GRIA3: variants seen among roughly 807,000 people sequenced by gnomAD.
GRIA3 encodes the protein glutamate ionotropic receptor AMPA type subunit 3.
GRIA3 carries 3 observed loss-of-function variants against 63.0 expected under a neutral mutation model. The observed-to-expected ratio is 0.05, with a 90% CI of 0.02 to 0.12. The LOEUF is 0.12. Ranked by LOEUF, GRIA3 falls within the 10% of genes least tolerant of loss-of-function variation. The pLI, the probability that GRIA3 is intolerant of heterozygous loss-of-function variation, is 1.00. For synonymous variants in GRIA3, 274 were observed against 257.9 expected (o/e 1.06, Z -0.60); for missense variants, 347 against 700.9 (o/e 0.50, Z 5.70).
intron 7 of GRIA3, among the ~76,000 whole-genome samples, chrX:123,400,413 C>T (rs1211363783): frequency 9.0e-6 from 1 of 111,426 alleles, no homozygotes; most frequent in Admixed American, 9.6e-5. Context: ...CTATTTTTTC[C>T]AAAAGTAGAC....
intron 3 of GRIA3, among the ~76,000 whole-genome samples, chrX:123,316,615 A>T (rs986290875): frequency 8.9e-6 from 1 of 112,711 alleles, no homozygotes; most frequent in Admixed American, 9.4e-5. Context: ...GAGAGATTGG[A>T]AAACACTGAA....
intron 3 of GRIA3, among the ~76,000 whole-genome samples, chrX:123,278,968 T>C (rs897323013): frequency 3.6e-5 from 4 of 111,953 alleles, no homozygotes; most frequent in African/African-American, 1.3e-4. Context: ...AGAATATTAT[T>C]AGTATTTCAA....
rs181786081 is a variant in GRIA3 at position 123,403,630 on chromosome X, C to T, written c.1293+111C>T. The T allele has an allele frequency of 3.3e-5, 19 of 577,131 alleles. No individual in the cohort carries two copies. The East Asian group carries it at 5.7e-4, about 17-fold the overall frequency. The allele number at this position is 577,131 out of a possible 1,213,427, so 47.6% of individuals were successfully genotyped here. ...CTCAAGTTCAAACAGTAAAAACTTC[C>T]AACAGGGAAGCTCAGGAAACTCTCA... is the stretch of plus-strand genomic sequence containing the variant. On this transcript the variant is annotated intron_variant, in intron 9 of 15. Transcript: ENST00000620443.
chrX:123,431,398 GT>G (rs1454267686), intron 12 of GRIA3, among the ~76,000 whole-genome samples: 3 of 108,467 alleles, frequency 2.8e-5, no homozygotes, highest in African/African-American at 7.3e-5. Flanking sequence ...CCCATGATCA[GT>G]GGAACAGAGG....
chrX:123,296,126 G>A (rs1324901497), intron 3 of GRIA3, among the ~76,000 whole-genome samples: 1 of 111,140 alleles, frequency 9.0e-6, no homozygotes, highest in African/African-American at 3.3e-5. Context: ...ATTATCCTCA[G>A]ATAATGTCTT....
intron 12 of GRIA3, among the ~76,000 whole-genome samples, chrX:123,450,657 A>T (rs2045725367): frequency 8.8e-6 from 1 of 113,052 alleles, no homozygotes; most frequent in Non-Finnish European, 1.9e-5. Flanking sequence ...CATTGTTGTA[A>T]GGGCTCAAAA....
chrX:123,202,732 T>C, intron 2 of GRIA3: 1 of 1,166,474 alleles, frequency 8.6e-7, no homozygotes, highest in Non-Finnish European at 1.1e-6. Flanking sequence ...CTGCTGCACC[T>C]AAAATGTTCA....
intron 3 of GRIA3, among the ~76,000 whole-genome samples, chrX:123,278,493 T>G (rs1334615509): frequency 1.8e-5 from 2 of 112,349 alleles, no homozygotes; most frequent in Admixed American, 1.9e-4. Flanking sequence ...CATAAAATCT[T>G]TGCCTACACC....
At chrX:123,193,199 G>A (rs960057540) in intron 2 of GRIA3, among the ~76,000 whole-genome samples, 1 of 108,449 alleles carries the variant, frequency 9.2e-6, no homozygotes, top group Non-Finnish European at 1.9e-5. Context: ...TTGTAGGGAT[G>A]TGGAGTGGGG....
intron 2 of GRIA3, among the ~76,000 whole-genome samples, chrX:123,200,604 T>C (rs5911545): frequency 1.5e-4 from 10 of 68,317 alleles, no homozygotes; most frequent in Admixed American, 3.4e-4. Context: ...CACACACACA[T>C]ACATACACAC....
chrX:123,300,622 TTTTGTTTG>T (rs57768786), intron 3 of GRIA3, among the ~76,000 whole-genome samples: 14 of 106,657 alleles, frequency 1.3e-4, no homozygotes, highest in South Asian at 8.3e-4. Context: ...TTTAATGGTT[TTTTGTTTG>T]TTTGTTTGTT....
intron 5 of GRIA3, among the ~76,000 whole-genome samples, chrX:123,367,745 GTTGT>G (rs776113997): frequency 2.7e-5 from 3 of 111,335 alleles, no homozygotes; most frequent in South Asian, 3.7e-4. Flanking sequence ...CCTTCTGGAT[GTTGT>G]TTGTTTGTTT....
At chrX:123,257,140 A>T (rs758650874) in intron 3 of GRIA3, among the ~76,000 whole-genome samples, 20 of 111,398 alleles carry the variant, frequency 1.8e-4, no homozygotes, top group Non-Finnish European at 3.4e-4. Flanking sequence ...CATTGAATAT[A>T]ACTGCCTTCT....
chrX:123,224,599 A>G (rs2044235785), intron 2 of GRIA3, among the ~76,000 whole-genome samples: 1 of 111,247 alleles, frequency 9.0e-6, no homozygotes. Context: ...TTCTACTTAT[A>G]AAATAAATCT....
intron 12 of GRIA3, among the ~76,000 whole-genome samples, chrX:123,460,696 T>C (rs2045787495): frequency 8.9e-6 from 1 of 111,897 alleles, no homozygotes; most frequent in Non-Finnish European, 1.9e-5. Context: ...TTGTTAAGCT[T>C]TATGGCAGGT....
chrX:123,296,306 CT>C lies in GRIA3; in HGVS notation c.509-29719del, dbSNP rs200771896. 6.1e-3 allele frequency among the ~76,000 whole-genome samples: 672 copies of C among 111,027 alleles called. 15 individuals are homozygous for C. Among genetic ancestry groups the C allele is most frequent in the Admixed American group, 0.033 (340 of 10,410 alleles). The stretch of plus-strand genomic sequence containing the variant: ...ACTACTGAATGGTGTTATCTGCAAC[CT>C]GTACTGCCCTTGGTTAATTTACTTT... On this transcript the variant is annotated intron_variant, in intron 3 of 15. Transcript: ENST00000620443.
chrX:123,403,417 C>T lies in GRIA3; in HGVS notation c.1191C>T (p.Gly397=). 8.7e-7 allele frequency: 1 copy of T among 1,151,408 alleles called. No homozygotes were observed. Among genetic ancestry groups the T allele is most frequent in the Non-Finnish European group, 1.2e-6 (1 of 840,409 alleles). The allele number at this position is 1,151,408 out of a possible 1,213,427, so 94.9% of individuals were successfully genotyped here. A position where few individuals can be genotyped will look rare whatever the true frequency, so the allele number is the denominator to read the frequency against. ...EMKVSGSRKA[G]YWNEYERFVP... is the part of the protein sequence containing the mutation. ...CAAATGTCTTCTCTTTCTAGGCTGGCTACTGGAATGAGTATGAAAGGTTTG... is the reference window on the plus strand; with the variant it reads ...CAAATGTCTTCTCTTTCTAGGCTGGTTACTGGAATGAGTATGAAAGGTTTG... The change falls in exon 9 of 16, where the codon GGC becomes GGT. Residue 397 remains glycine, a synonymous_variant. Coordinates refer to ENST00000620443, the MANE Select transcript of GRIA3 (RefSeq NM_007325.5).
chrX:123,389,770 C>T (rs1222912784), intron 5 of GRIA3, among the ~76,000 whole-genome samples: 4 of 110,907 alleles, frequency 3.6e-5, no homozygotes, highest in South Asian at 3.9e-4. Context: ...TGCAGTAGTG[C>T]GAACTCAGCT....
intron 2 of GRIA3, among the ~76,000 whole-genome samples, chrX:123,226,510 G>C (rs757631032): frequency 2.7e-5 from 3 of 111,415 alleles, no homozygotes; most frequent in South Asian, 3.8e-4. Context: ...AATGGCCCAA[G>C]TCTACAAAAA....
Sources: allele counts gnomAD v4.1 joint callset (sites outside exome capture counted in the v4.1 genomes callset), GRCh38; gene constraint gnomAD v4.1.1; transcripts MANE v1.5; gene names NCBI Gene and HGNC (gene_info 2026-07-23, HGNC 2026-07-21).